Variants in IQGAP2 observed in about 807,000 individuals in gnomAD.
IQGAP2 encodes ras GTPase-activating-like protein IQGAP2.
IQGAP2 carries 173 observed loss-of-function variants against 201.3 expected under a neutral mutation model. The ratio of observed to expected loss-of-function variants is 0.86; its 90% confidence interval spans 0.76 to 0.98. The LOEUF (loss-of-function observed/expected upper bound fraction) is 0.98, where lower values mean the gene tolerates loss of function less well. Among genes scored for constraint, IQGAP2 ranks in the 50% least tolerant of loss-of-function variants. IQGAP2 has a pLI of 0.00. For missense variants in IQGAP2, 1,687 were observed against 1,864.8 expected, an observed-to-expected ratio of 0.90 and a Z score of 1.76; for synonymous variants, 675 against 673.9, an observed-to-expected ratio of 1.00 and a Z score of -0.03.
At chr5:76,460,060 A>T (rs1381199740) in intron 1 of IQGAP2, among the ~76,000 whole-genome samples, 1 of 152,180 alleles carries the variant, frequency 6.6e-6, no homozygotes, top group African/African-American at 2.4e-5. Flanking sequence ...AGGAGCCCTG[A>T]CAAATTGGCA....
At chr5:76,487,076 A>G (rs1035848736) in intron 2 of IQGAP2, among the ~76,000 whole-genome samples, 2 of 150,596 alleles carry the variant, frequency 1.3e-5, no homozygotes, top group Admixed American at 6.7e-5. Context: ...ATTGCTGTGT[A>G]AATGTTTATT....
chr5:76,431,992 A>G (rs115453871), intron 1 of IQGAP2, among the ~76,000 whole-genome samples: 1,958 of 152,004 alleles, frequency 0.013, 55 homozygotes, highest in African/African-American at 0.045. Context: ...TGAGCCACTT[A>G]TGCTTGTATT....
At chr5:76,638,245 G>A (rs959109785) in intron 16 of IQGAP2, among the ~76,000 whole-genome samples, 1 of 152,196 alleles carries the variant, frequency 6.6e-6, no homozygotes, top group Non-Finnish European at 1.5e-5. Flanking sequence ...TGGGCATGGT[G>A]GCGGGCACCT....
At chr5:76,520,451 C>T (rs1424453360) in intron 2 of IQGAP2, among the ~76,000 whole-genome samples, 1 of 152,178 alleles carries the variant, frequency 6.6e-6, no homozygotes, top group Non-Finnish European at 1.5e-5. Context: ...CGTGAGCCAC[C>T]GCGCCCGGCG....
At chr5:76,508,091 G>T (rs1757721017) in intron 2 of IQGAP2, among the ~76,000 whole-genome samples, 1 of 151,604 alleles carries the variant, frequency 6.6e-6, no homozygotes, top group South Asian at 2.1e-4. Context: ...AGCACTTTGG[G>T]AGGCTGAGGC....
At chr5:76,622,522 C>G (rs1212812259) in intron 13 of IQGAP2, among the ~76,000 whole-genome samples, 1 of 152,086 alleles carries the variant, frequency 6.6e-6, no homozygotes, top group Non-Finnish European at 1.5e-5. Context: ...ACAGACCTAT[C>G]CCAAATTTGT....
At chr5:76,600,680 C>T (rs556076711) in intron 10 of IQGAP2, 132 bp from the exon 11 acceptor site, 10 of 1,029,228 alleles carry the variant, frequency 9.7e-6, no homozygotes, top group Admixed American at 4.9e-5. Context: ...CAGGTGGCCA[C>T]GACTCCTCTT....
intron 13 of IQGAP2, among the ~76,000 whole-genome samples, chr5:76,620,925 C>A (rs1749594963): frequency 6.6e-6 from 1 of 152,176 alleles, no homozygotes; most frequent in African/African-American, 2.4e-5. Context: ...AAAACAAAAT[C>A]TTAAAGCTCA....
At chr5:76,529,902 A>G (rs1759191358) in intron 2 of IQGAP2, among the ~76,000 whole-genome samples, 1 of 152,132 alleles carries the variant, frequency 6.6e-6, no homozygotes, top group Non-Finnish European at 1.5e-5. Context: ...ATAAACACTG[A>G]TGGACTGATG....
At position 76,451,281 on chromosome 5, in the gene IQGAP2, G is replaced by T. The variant is rs559614872; in HGVS notation, c.47-10289G>T. Among the ~76,000 whole-genome samples the T allele has an allele frequency of 2.0e-5, 3 of 152,156 alleles. No individual in the cohort carries two copies. The East Asian group carries it at 5.8e-4, about 29-fold the overall frequency. On this transcript the variant is annotated intron_variant, in intron 1 of 35. Transcript: ENST00000274364. ...CCCATACCGTGCTCCTCTTCCTCTT[G>T]TTCCTTCTATTGCCAGTCCTGCCTA...
chr5:76,624,042 A>G (rs1329939032), intron 13 of IQGAP2, among the ~76,000 whole-genome samples: 3 of 151,234 alleles, frequency 2.0e-5, no homozygotes, highest in African/African-American at 7.3e-5. Flanking sequence ...CAGTTAAACT[A>G]AAATCATAGC....
At chr5:76,576,888 A>G (rs1275241659) in intron 5 of IQGAP2, among the ~76,000 whole-genome samples, 2 of 152,252 alleles carry the variant, frequency 1.3e-5, no homozygotes, top group African/African-American at 4.8e-5. Context: ...CTGCCTTCTC[A>G]GATGTGGCGA....
At chr5:76,594,116 TG>T (rs1159049437) in intron 9 of IQGAP2, among the ~76,000 whole-genome samples, 8 of 152,338 alleles carry the variant, frequency 5.3e-5, no homozygotes, top group Admixed American at 4.6e-4. Flanking sequence ...TTTATTCTTG[TG>T]AAATCTTGAA....
intron 2 of IQGAP2, among the ~76,000 whole-genome samples, chr5:76,469,746 G>C (rs1047850484): frequency 1.1e-4 from 16 of 152,004 alleles, no homozygotes; most frequent in African/African-American, 2.9e-4. Flanking sequence ...ATATTAAACA[G>C]GCTTTTTTTT....
intron 3 of IQGAP2, among the ~76,000 whole-genome samples, chr5:76,568,353 T>C (rs1462714952): frequency 6.6e-6 from 1 of 152,202 alleles, no homozygotes; most frequent in Non-Finnish European, 1.5e-5. Flanking sequence ...ATTGTAATAA[T>C]TATAATAGCT....
At chr5:76,460,829 T>G (rs2150125324) in intron 1 of IQGAP2, among the ~76,000 whole-genome samples, 1 of 149,126 alleles carries the variant, frequency 6.7e-6, no homozygotes, top group Non-Finnish European at 1.5e-5. Context: ...GATGAGGACA[T>G]CCATGGAAGC....
intron 1 of IQGAP2, among the ~76,000 whole-genome samples, chr5:76,425,005 T>G (rs2037205240): frequency 6.6e-6 from 1 of 152,210 alleles, no homozygotes; most frequent in East Asian, 1.9e-4. Context: ...GCACGGTGCA[T>G]GGAGGGTCTG....
intron 28 of IQGAP2, 89 bp from the exon 29 acceptor site, chr5:76,683,026 G>A: frequency 2.8e-6 from 2 of 710,166 alleles, no homozygotes; most frequent in South Asian, 2.1e-5. Context: ...TAAATGGTAT[G>A]AGGAGGAAAT....
chr5:76,685,183 A>G (rs1341930244), intron 30 of IQGAP2, among the ~76,000 whole-genome samples: 1 of 152,186 alleles, frequency 6.6e-6, no homozygotes, highest in Admixed American at 6.5e-5. Context: ...ACCAAGGCAG[A>G]TGAAAATTTC....
Sources: gnomAD v4.1 joint callset for allele counts (sites outside exome capture counted in the v4.1 genomes callset) on GRCh38, gnomAD v4.1.1 for gene constraint, MANE v1.5 for transcripts, NCBI Gene and HGNC (gene_info 2026-07-23, HGNC 2026-07-21) for gene names.